The following RHPN2 variants were observed in gnomAD, a reference collection of about 807,000 sequenced individuals.
RHPN2 encodes rhophilin-2.
A neutral mutation model predicts 79.0 loss-of-function variants in RHPN2; 40 were observed. The observed-to-expected ratio is 0.51, with a 90% CI of 0.39 to 0.66. The LOEUF (loss-of-function observed/expected upper bound fraction) is 0.66, where lower values mean the gene tolerates loss of function less well. Among genes scored for constraint, RHPN2 ranks in the 30% least tolerant of loss-of-function variants. RHPN2 has a pLI of 0.00. For synonymous variants in RHPN2, 285 were observed against 363.5 expected, an observed-to-expected ratio of 0.78 and a Z score of 2.46; for missense variants, 686 against 883.5, an observed-to-expected ratio of 0.78 and a Z score of 2.83.
intron 14 of RHPN2, among the ~76,000 whole-genome samples, chr19:32,985,439 C>T (rs759203448): frequency 1.3e-5 from 2 of 152,166 alleles, no homozygotes; most frequent in African/African-American, 4.8e-5. Context: ...AGTTAGAGAA[C>T]AGCTAGGGCA....
At chr19:33,037,013 C>G (rs2145257873) in intron 2 of RHPN2, among the ~76,000 whole-genome samples, 2 of 152,376 alleles carry the variant, frequency 1.3e-5, no homozygotes, top group Middle Eastern at 3.4e-3. Flanking sequence ...TGGCAGGCAG[C>G]TCCACCTGCG....
intron 2 of RHPN2, among the ~76,000 whole-genome samples, chr19:33,035,601 C>CA (rs1972049869): frequency 6.6e-6 from 1 of 152,096 alleles, no homozygotes; most frequent in African/African-American, 2.4e-5. Flanking sequence ...AGGTGTAGGT[C>CA]AGAGGCGTTC....
Position 33,002,884 on chromosome 19 carries a change from CA to C in RHPN2, c.876del (p.Phe292LeufsTer17), listed in dbSNP as rs1159699488. 6.2e-7 allele frequency: 1 copy of C among 1,613,850 alleles called. No individual in the cohort carries two copies. Among genetic ancestry groups the C allele is most frequent in the East Asian group, 2.2e-5 (1 of 44,882 alleles). ...CGGATCCCAGGAAGGCTGATTTTCT[CA>C]AACACGCTTTCTTGGGCTTGTGCAA... is the stretch of plus-strand genomic sequence containing the variant. ...MMLAQAQESV[F>X]EKISLPGIRN... On this transcript the variant is annotated frameshift_variant, in exon 8 of 15. Transcript: ENST00000254260. LOFTEE classifies it high-confidence loss of function.
At chr19:33,023,627 T>C (rs1033884720) in intron 3 of RHPN2, among the ~76,000 whole-genome samples, 2 of 149,478 alleles carry the variant, frequency 1.3e-5, no homozygotes, top group Non-Finnish European at 3.0e-5. Flanking sequence ...CTACTAAAAA[T>C]ACAAAAAATT....
chr19:33,064,755 T>TGGGGGCCCC, intron 1 of RHPN2, 29 bp downstream of exon 1: 2 of 1,427,936 alleles, frequency 1.4e-6, no homozygotes, highest in Non-Finnish European at 1.9e-6. Context: ...AGCCCGCAGG[T>TGGGGGCCCC]CCCCGCCCGC....
chr19:33,047,933 T>G (rs2145265925), intron 1 of RHPN2, among the ~76,000 whole-genome samples: 1 of 152,104 alleles, frequency 6.6e-6, no homozygotes, highest in South Asian at 2.1e-4. Context: ...ATAAAAATTT[T>G]TAAATAATAA....
At chr19:33,049,043 G>C (rs1490598570) in intron 1 of RHPN2, among the ~76,000 whole-genome samples, 1 of 152,048 alleles carries the variant, frequency 6.6e-6, no homozygotes, top group African/African-American at 2.4e-5. Flanking sequence ...ATAGATATGT[G>C]GTCAGGTTTC....
chr19:33,033,705 C>G (rs570543543), intron 2 of RHPN2, among the ~76,000 whole-genome samples: 1 of 151,860 alleles, frequency 6.6e-6, no homozygotes, highest in East Asian at 1.9e-4. Context: ...CTCGTCTCTA[C>G]TGAAAATACA....
rs1010352450 is a variant in RHPN2 at position 32,997,739 on chromosome 19, C to T, written c.1226-1519G>A. ...CTCCTGACTTCAAGCCATCCTCCCA[C>T]CTCTGCCTCCCAAAGTGCTGGGATT... On this transcript the variant is annotated intron_variant, in intron 10 of 14. Coordinates refer to ENST00000254260, the MANE Select transcript of RHPN2 (RefSeq NM_033103.5). Among the ~76,000 whole-genome samples, 156 of 152,200 alleles carry T rather than the reference C, an allele frequency of 1.0e-3. 3 individuals are homozygous for T. The highest frequency in any genetic ancestry group is 4.0e-4 in the Non-Finnish European group (27 of 68,040).
chr19:33,060,212 T>C (rs1174992731), intron 1 of RHPN2, among the ~76,000 whole-genome samples: 5 of 152,174 alleles, frequency 3.3e-5, no homozygotes, highest in African/African-American at 1.2e-4. Flanking sequence ...AGTGGCGTGA[T>C]CTCGGCTCAC....
At chr19:33,026,755 G>C in intron 2 of RHPN2, 123 bp from the exon 3 acceptor site, 1 of 1,201,276 alleles carries the variant, frequency 8.3e-7, no homozygotes, top group East Asian at 2.5e-5. Context: ...AGGGCCAGGA[G>C]TGTCGGTTAA....
chr19:33,037,737 C>G (rs970919843), intron 2 of RHPN2, among the ~76,000 whole-genome samples: 1 of 152,190 alleles, frequency 6.6e-6, no homozygotes, highest in Non-Finnish European at 1.5e-5. Flanking sequence ...ACTCCAAACA[C>G]ATCCGAACAT....
At chr19:33,035,256 C>G (rs1024929879) in intron 2 of RHPN2, among the ~76,000 whole-genome samples, 1 of 152,144 alleles carries the variant, frequency 6.6e-6, no homozygotes, top group Non-Finnish European at 1.5e-5. Context: ...CGTGAGCCAC[C>G]ACACCCAGCC....
intron 2 of RHPN2, among the ~76,000 whole-genome samples, chr19:33,042,189 CAA>C (rs111551787): frequency 6.2e-5 from 8 of 129,378 alleles, no homozygotes; most frequent in Non-Finnish European, 8.5e-5. Flanking sequence ...AACTCCATCT[CAA>C]AAAAAAAAAA....
chr19:32,983,005 C>T (rs1440589988), intron 14 of RHPN2, among the ~76,000 whole-genome samples: 1 of 149,004 alleles, frequency 6.7e-6, no homozygotes, highest in African/African-American at 2.5e-5. Flanking sequence ...CTTCTGTGTG[C>T]CTGGATCCCA....
At chr19:33,044,778 CA>C (rs879318887) in intron 1 of RHPN2, among the ~76,000 whole-genome samples, 25 of 152,216 alleles carry the variant, frequency 1.6e-4, no homozygotes, top group Admixed American at 1.6e-3. Flanking sequence ...CCTATAATCC[CA>C]GCTACTCAGG....
In RHPN2 at chr19:33,064,864, G is replaced by C. The variant is rs1271066306; in HGVS notation, c.-12C>G. ...AGCGCGTCGGTCATGCTAGCGGCGCGGGCGCGGAGGGCGGACGGCGGACTG... is the reference window on the plus strand; with the variant it reads ...AGCGCGTCGGTCATGCTAGCGGCGCCGGCGCGGAGGGCGGACGGCGGACTG... On this transcript the variant is annotated 5_prime_UTR_variant, in exon 1 of 15. Coordinates refer to ENST00000254260, the MANE Select transcript of RHPN2 (RefSeq NM_033103.5). 14 of 1,499,498 alleles carry C rather than the reference G, an allele frequency of 9.3e-6. No homozygotes were observed. Among genetic ancestry groups the C allele is most frequent in the South Asian group, 8.7e-5 (7 of 80,800 alleles). The allele number at this position is 1,499,498 out of a possible 1,614,324, so 92.9% of individuals were successfully genotyped here. A position where few individuals can be genotyped will look rare whatever the true frequency, so the allele number is the denominator to read the frequency against.
chr19:33,053,516 T>C (rs1238934691), intron 1 of RHPN2, among the ~76,000 whole-genome samples: 1 of 149,732 alleles, frequency 6.7e-6, no homozygotes, highest in East Asian at 2.0e-4. Flanking sequence ...CTCTGCCTCC[T>C]AGGTTCAAGC....
At position 33,058,943 on chromosome 19, in the gene RHPN2, C is replaced by T. The variant is rs569342000; in HGVS notation, c.69+5841G>A. Among the ~76,000 whole-genome samples the T allele has an allele frequency of 5.3e-5, 8 of 152,014 alleles. No individual in the cohort carries two copies. In the South Asian group the frequency reaches 1.7e-3, roughly 32 times the overall value. On this transcript the variant is annotated intron_variant, in intron 1 of 14. Transcript: ENST00000254260. ...GAAACCCTGTCTCTACTAAAAAATA[C>T]AATTAGCCGGGCATGGTGGCGCACA...
Sources: gnomAD v4.1 joint callset for allele counts (sites outside exome capture counted in the v4.1 genomes callset) on GRCh38, gnomAD v4.1.1 for gene constraint, MANE v1.5 for transcripts, NCBI Gene and HGNC (gene_info 2026-07-23, HGNC 2026-07-21) for gene names.